Variants in CNTN5 observed in about 807,000 individuals in gnomAD.
CNTN5 encodes the protein contactin-5.
CNTN5 carries 77 observed loss-of-function variants against 129.1 expected under a neutral mutation model. That is an observed-to-expected ratio of 0.60 (90% confidence interval 0.50 to 0.72). The LOEUF (loss-of-function observed/expected upper bound fraction) is 0.72. Among genes scored for constraint, CNTN5 ranks in the 30% least tolerant of loss-of-function variants. The pLI is 0.00. For synonymous variants in CNTN5, 509 were observed against 465.6 expected (o/e 1.09, Z -1.20); for missense variants, 1,478 against 1,328.8 (o/e 1.11, Z -1.75).
At chr11:99,556,600 A>T (rs1419566506) in intron 3 of CNTN5, among the ~76,000 whole-genome samples, 2 of 107,434 alleles carry the variant, frequency 1.9e-5, no homozygotes, top group Non-Finnish European at 4.1e-5. Flanking sequence ...TATATCTCCC[A>T]CACATATATA....
chr11:100,342,432 G>A (rs1002762347), intron 23 of CNTN5, among the ~76,000 whole-genome samples: 1 of 152,084 alleles, frequency 6.6e-6, no homozygotes, highest in African/African-American at 2.4e-5. Flanking sequence ...AAACTGGAGA[G>A]GCAAAGTAGA....
chr11:99,242,847 G>C (rs1342294067), intron 1 of CNTN5, among the ~76,000 whole-genome samples: 1 of 152,008 alleles, frequency 6.6e-6, no homozygotes, highest in East Asian at 1.9e-4. Context: ...AGTATTCCAT[G>C]GTGTATATGT....
At chr11:99,194,737 C>G (rs1207525765) in intron 1 of CNTN5, among the ~76,000 whole-genome samples, 2 of 152,126 alleles carry the variant, frequency 1.3e-5, no homozygotes, top group Non-Finnish European at 2.9e-5. Context: ...TCCCCAGTAG[C>G]TGGGACTACA....
intron 2 of CNTN5, among the ~76,000 whole-genome samples, chr11:99,518,462 G>C (rs1218377030): frequency 6.6e-6 from 1 of 152,066 alleles, no homozygotes; most frequent in Non-Finnish European, 1.5e-5. Flanking sequence ...CATGAAGTGG[G>C]TCTTCAAGCT....
intron 6 of CNTN5, among the ~76,000 whole-genome samples, chr11:99,909,735 C>G (rs1949605664): frequency 6.6e-6 from 1 of 151,874 alleles, no homozygotes; most frequent in South Asian, 2.1e-4. Context: ...ATCGCATGTT[C>G]TCACTCATAG....
intron 1 of CNTN5, among the ~76,000 whole-genome samples, chr11:99,180,425 A>C (rs1168412330): frequency 6.6e-6 from 1 of 152,088 alleles, no homozygotes; most frequent in Admixed American, 6.5e-5. Context: ...TCTTTTTGTA[A>C]TGAGTTGTTT....
At chr11:99,985,190 C>T (rs11222187) in intron 8 of CNTN5, among the ~76,000 whole-genome samples, 8,741 of 152,114 alleles carry the variant, frequency 0.057, 279 homozygotes, top group Non-Finnish European at 0.076. Flanking sequence ...TTTTTGGGTC[C>T]CTGTACTCGG....
chr11:99,938,195 C>A (rs959908493), intron 7 of CNTN5, among the ~76,000 whole-genome samples: 2 of 152,082 alleles, frequency 1.3e-5, no homozygotes, highest in Non-Finnish European at 2.9e-5. Context: ...ACAAGTGACT[C>A]CCTATGCTTG....
chr11:100,029,902 G>C (rs185284805), intron 9 of CNTN5, among the ~76,000 whole-genome samples: 18 of 152,174 alleles, frequency 1.2e-4, no homozygotes, highest in Non-Finnish European at 2.5e-4. Flanking sequence ...CTATGCTTCT[G>C]TCATCTATTT....
At chr11:100,187,496 A>G (rs116132287) in intron 13 of CNTN5, among the ~76,000 whole-genome samples, 1,783 of 152,248 alleles carry the variant, frequency 0.012, 37 homozygotes, top group African/African-American at 0.04. Context: ...AGCATTTCTA[A>G]GCAGAAAGTA....
chr11:99,720,060 C>A (rs993623184), intron 3 of CNTN5, among the ~76,000 whole-genome samples: 1 of 151,914 alleles, frequency 6.6e-6, no homozygotes, highest in Non-Finnish European at 1.5e-5. Flanking sequence ...ACAAAAAAAA[C>A]CCTGGGACCT....
intron 2 of CNTN5, among the ~76,000 whole-genome samples, chr11:99,414,203 A>T (rs1942533880): frequency 6.6e-6 from 1 of 152,234 alleles, no homozygotes; most frequent in African/African-American, 2.4e-5. Context: ...CAGCTGAACA[A>T]ACGCTGAGAA....
At chr11:99,308,444 A>G (rs1395301458) in intron 1 of CNTN5, among the ~76,000 whole-genome samples, 1 of 152,178 alleles carries the variant, frequency 6.6e-6, no homozygotes, top group Non-Finnish European at 1.5e-5. Context: ...TGAGAAATTG[A>G]GAGCCTGAAA....
At position 99,539,787 on chromosome 11, in the gene CNTN5, G is replaced by A. The variant is rs116596749; in HGVS notation, c.-70-16358G>A. Among the ~76,000 whole-genome samples the A allele has an allele frequency of 5.3e-3, 806 of 152,160 alleles. 10 individuals are homozygous for A. The highest frequency in any genetic ancestry group is 0.019 in the African/African-American group (775 of 41,534). On this transcript the variant is annotated intron_variant, in intron 2 of 24. Coordinates refer to ENST00000524871, the MANE Select transcript of CNTN5 (RefSeq NM_014361.4). Reference sequence around the variant, plus strand: ...TGCAAAAGTATTAAAAAGTTTTAAAGTGTTGTAGGAAATGAGTTCAACATA... The same window carrying A: ...TGCAAAAGTATTAAAAAGTTTTAAAATGTTGTAGGAAATGAGTTCAACATA...
At chr11:99,882,831 G>A (rs571505278) in intron 6 of CNTN5, among the ~76,000 whole-genome samples, 2 of 151,760 alleles carry the variant, frequency 1.3e-5, no homozygotes, top group African/African-American at 4.8e-5. Context: ...CTTTTTTTGT[G>A]CCCATTAACC....
At chr11:100,336,855 A>G (rs867553397) in intron 21 of CNTN5, 30 of 476,834 alleles carry the variant, frequency 6.3e-5, no homozygotes, top group African/African-American at 5.1e-4. Flanking sequence ...ATCACAATCT[A>G]GATGTGGAAC....
At chr11:100,064,395 A>G (rs983853023) in intron 10 of CNTN5, among the ~76,000 whole-genome samples, 2 of 152,198 alleles carry the variant, frequency 1.3e-5, no homozygotes, top group East Asian at 1.9e-4. Flanking sequence ...TTAATTCAGT[A>G]TCTACATTGT....
intron 3 of CNTN5, among the ~76,000 whole-genome samples, chr11:99,631,284 C>G (rs1202671057): frequency 6.6e-6 from 1 of 151,876 alleles, no homozygotes; most frequent in South Asian, 2.1e-4. Context: ...TTCCTCTTAC[C>G]TTAAATAACT....
At chr11:100,275,980 T>A (rs1950501909) in intron 18 of CNTN5, among the ~76,000 whole-genome samples, 1 of 152,166 alleles carries the variant, frequency 6.6e-6, no homozygotes, top group Non-Finnish European at 1.5e-5. Context: ...TAAGTACATA[T>A]CCAGTATTTT....
Sources: gnomAD v4.1 joint callset for allele counts (sites outside exome capture counted in the v4.1 genomes callset) on GRCh38, gnomAD v4.1.1 for gene constraint, MANE v1.5 for transcripts, NCBI Gene and HGNC (gene_info 2026-07-23, HGNC 2026-07-21) for gene names.